The following PTCH1 variants were observed in gnomAD, a reference collection of about 807,000 sequenced individuals.
PTCH1 encodes the protein patched 1.
In PTCH1, 14 loss-of-function variants were observed where a neutral mutation model predicts 144.6. The observed-to-expected ratio is 0.10, with a 90% CI of 0.06 to 0.15. The LOEUF (loss-of-function observed/expected upper bound fraction) is 0.15. Among genes scored for constraint, PTCH1 ranks in the 10% least tolerant of loss-of-function variants. PTCH1 has a pLI of 1.00. For synonymous variants in PTCH1, 833 were observed against 793.6 expected (o/e 1.05, Z -0.83); for missense variants, 1,623 against 1,948.3 (o/e 0.83, Z 3.14).
intron 2 of PTCH1, among the ~76,000 whole-genome samples, chr9:95,492,041 T>C (rs954502027): frequency 1.3e-5 from 2 of 152,198 alleles, no homozygotes; most frequent in Admixed American, 6.5e-5. Flanking sequence ...ATGAGGCCGG[T>C]GATGCTGGAG....
At chr9:95,473,924 T>A (rs1840807540) in intron 12 of PTCH1, 1 of 367,738 alleles carries the variant, frequency 2.7e-6, no homozygotes, top group Admixed American at 3.2e-5. Context: ...GAAGCTATAG[T>A]TGCAATTTTC....
intron 16 of PTCH1, among the ~76,000 whole-genome samples, chr9:95,460,389 C>CA (rs1206575520): frequency 6.6e-6 from 1 of 152,112 alleles, no homozygotes; most frequent in Non-Finnish European, 1.5e-5. Context: ...TCTGCGTGGC[C>CA]AAATGTGCTC....
intron 2 of PTCH1, among the ~76,000 whole-genome samples, chr9:95,492,821 A>AT (rs1554704534): frequency 2.6e-5 from 4 of 151,498 alleles, no homozygotes; most frequent in Admixed American, 6.6e-5. Flanking sequence ...GAGGAGATGC[A>AT]TTTTTTTCAG....
intron 12 of PTCH1, among the ~76,000 whole-genome samples, chr9:95,473,847 T>G (rs1840802152): frequency 6.6e-6 from 1 of 152,210 alleles, no homozygotes; most frequent in African/African-American, 2.4e-5. Flanking sequence ...AAGCACTCCT[T>G]TTTTCTTTTG....
intron 2 of PTCH1, among the ~76,000 whole-genome samples, chr9:95,493,987 C>G (rs1303782226): frequency 1.3e-5 from 2 of 152,108 alleles, no homozygotes; most frequent in Non-Finnish European, 2.9e-5. Flanking sequence ...TACAATCAGC[C>G]CAAAGAGAAT....
intron 15 of PTCH1, among the ~76,000 whole-genome samples, chr9:95,465,277 T>A (rs916020610): frequency 6.6e-6 from 1 of 151,982 alleles, no homozygotes; most frequent in Non-Finnish European, 1.5e-5. Context: ...TGAAATACAC[T>A]CTACAATAAC....
Position 95,477,528 on chromosome 9 carries a change from T to C in PTCH1, c.1503+19A>G. ...GTGGCATTTGTCAACGGACAGCAGA[T>C]AAATGGCTCCTTTAGTACCTGAGTT... On this transcript the variant is annotated intron_variant, in intron 10 of 23. Transcript: ENST00000331920. The C allele has an allele frequency of 6.2e-7, 1 of 1,614,106 alleles. No homozygotes were observed. The highest frequency in any genetic ancestry group is 8.5e-7 in the Non-Finnish European group (1 of 1,179,996).
Position 95,477,726 on chromosome 9 carries a change from C to T in PTCH1, c.1348-24G>A, listed in dbSNP as rs759833498. On this transcript the variant is annotated intron_variant, in intron 9 of 23. Transcript: ENST00000331920. ...AGCTGCAAGCAGAACAATGGGGGCA[C>T]AGAACAAAAGCCGAACATTAGAATG... 1.9e-6 allele frequency: 3 copies of T among 1,613,448 alleles called. No homozygotes were observed. The East Asian group carries it at 6.7e-5, about 36-fold the overall frequency.
rs768095469 is a variant in PTCH1, at chr9:95,480,457, T to C, written c.878A>G (p.Asp293Gly). 3 of 1,609,834 alleles carry C rather than the reference T, an allele frequency of 1.9e-6. No homozygotes were observed. In the East Asian group the frequency reaches 6.7e-5, roughly 36 times the overall value. The part of the protein sequence containing the change: ...NKAEVGHGYM[D>G]RPCLNPADPD... ...ATCGGCCGGATTGAGGCAGGGGCGG[T>C]CCATGTAACCATGACCAACCTCAGC... The change falls in exon 6 of 24, where the codon GAC (aspartate) becomes GGC (glycine). Residue 293 changes from aspartate (D) to glycine (G), a missense_variant. By Grantham distance (94) the Asp-to-Gly change is moderately conservative (BLOSUM62 -1). Coordinates refer to ENST00000331920, the MANE Select transcript of PTCH1 (RefSeq NM_000264.5).
At chr9:95,472,902 G>A (rs962550672) in intron 12 of PTCH1, among the ~76,000 whole-genome samples, 1 of 152,208 alleles carries the variant, frequency 6.6e-6, no homozygotes, top group Admixed American at 6.5e-5. Context: ...GAGAGTGTAA[G>A]TAAACCAGAG....
intron 3 of PTCH1, 147 bp from the exon 4 acceptor site, chr9:95,482,350 G>A: frequency 1.3e-6 from 1 of 741,546 alleles, no homozygotes; most frequent in South Asian, 1.7e-5. Flanking sequence ...GCCAAGTAGA[G>A]ACCCAGCAAG....
rs2136583269 is a variant in PTCH1 at position 95,447,379 on chromosome 9, G to A, written c.3877C>T (p.Leu1293=). ...RQQPHLDSGS[L]PPGRQGQQPR... ...TGCTGGCCTTGCCGTCCGGGAGGCA[G>A]GGACCCTGAGTCCAGGTGGGGCTGC... Residue 1293 remains leucine, a synonymous_variant, in exon 23 of 24, where the codon CTG becomes TTG. Transcript: ENST00000331920. 1 of 1,612,866 alleles carries A rather than the reference G, an allele frequency of 6.2e-7. No individual in the cohort carries two copies. Among genetic ancestry groups the A allele is most frequent in the Non-Finnish European group, 8.5e-7 (1 of 1,179,620 alleles).
Position 95,461,964 on chromosome 9 carries a change from G to C in PTCH1, c.2595C>G (p.Thr865=), listed in dbSNP as rs144512837. The change falls in exon 16 of 24, where the codon ACC becomes ACG. Residue 865 remains threonine (T), a synonymous_variant. Coordinates refer to ENST00000331920, the MANE Select transcript of PTCH1 (RefSeq NM_000264.5). Reference sequence around the variant, plus strand: ...TGTAATTGTTTGGCATGATTTTCCCGGTTTCCCAGTCACTGTCAAATGCAT... The same window carrying C: ...TGTAATTGTTTGGCATGATTTTCCCCGTTTCCCAGTCACTGTCAAATGCAT... ...LQDAFDSDWE[T]GKIMPNNYKN... 4 of 1,614,160 alleles carry C rather than the reference G, an allele frequency of 2.5e-6. No individual in the cohort carries two copies. The highest frequency in any genetic ancestry group is 4.5e-5 in the East Asian group (2 of 44,886).
At chr9:95,446,703 G>A in intron 23 of PTCH1, 2 of 655,878 alleles carry the variant, frequency 3.0e-6, no homozygotes, top group Non-Finnish European at 5.3e-6. Context: ...AGTGGGGGAA[G>A]AGAGCAGTGT....
chr9:95,460,146 G>A (rs1388362003), intron 16 of PTCH1, among the ~76,000 whole-genome samples: 4 of 152,236 alleles, frequency 2.6e-5, no homozygotes, highest in Non-Finnish European at 4.4e-5. Flanking sequence ...CCCCATGCAC[G>A]TCTGTGTGCA....
At chr9:95,503,577 G>C (rs1232711879) in intron 2 of PTCH1, among the ~76,000 whole-genome samples, 1 of 151,876 alleles carries the variant, frequency 6.6e-6, no homozygotes, top group Admixed American at 6.5e-5. Context: ...GAATGAATGA[G>C]AGATCAAGGA....
At chr9:95,501,793 T>C (rs568577398) in intron 2 of PTCH1, among the ~76,000 whole-genome samples, 9 of 152,072 alleles carry the variant, frequency 5.9e-5, no homozygotes, top group South Asian at 2.1e-4. Flanking sequence ...GGGGCTGATA[T>C]GAAAAGAAAT....
intron 16 of PTCH1, among the ~76,000 whole-genome samples, chr9:95,460,619 A>G (rs968473478): frequency 1.3e-5 from 2 of 152,196 alleles, no homozygotes; most frequent in Admixed American, 6.5e-5. Context: ...AGAGAGTGAG[A>G]GAACTGGATT....
At chr9:95,466,813 A>G (rs901942669) in intron 15 of PTCH1, among the ~76,000 whole-genome samples, 3 of 152,212 alleles carry the variant, frequency 2.0e-5, no homozygotes, top group African/African-American at 7.2e-5. Flanking sequence ...CGTCTATCCA[A>G]GAGGAAAGAG....
Sources: gnomAD v4.1 joint callset for allele counts (sites outside exome capture counted in the v4.1 genomes callset) on GRCh38, gnomAD v4.1.1 for gene constraint, MANE v1.5 for transcripts, NCBI Gene and HGNC (gene_info 2026-07-23, HGNC 2026-07-21) for gene names.